HSD17B14: variants seen among roughly 807,000 people sequenced by gnomAD.
HSD17B14 encodes the protein L-fucose dehydrogenase.
A neutral mutation model predicts 32.2 loss-of-function variants in HSD17B14; 32 were observed. The observed-to-expected ratio is 0.99, with a 90% CI of 0.75 to 1.33. HSD17B14 has a LOEUF of 1.33. HSD17B14 is among the 40% of genes most tolerant of loss of function. HSD17B14 has a pLI of 0.00. For synonymous variants in HSD17B14, 140 were observed against 155.4 expected, an observed-to-expected ratio of 0.90 and a Z score of 0.74; for missense variants, 370 against 366.5, an observed-to-expected ratio of 1.01 and a Z score of -0.08.
intron 5 of HSD17B14, among the ~76,000 whole-genome samples, chr19:48,819,322 A>G (rs2035107845): frequency 6.6e-6 from 1 of 151,850 alleles, no homozygotes; most frequent in Non-Finnish European, 1.5e-5. Flanking sequence ...TGGTTCTCCC[A>G]CTCTCACGCT....
intron 3 of HSD17B14, 99 bp downstream of exon 3, chr19:48,834,177 G>T: frequency 1.0e-6 from 1 of 960,046 alleles, no homozygotes; most frequent in Non-Finnish European, 1.6e-6. Flanking sequence ...AGCCAGGAGA[G>T]GAAGGAAAAG....
At chr19:48,813,388 C>T (rs1352897856) in intron 8 of HSD17B14, 40 bp from the exon 9 acceptor site, 17 of 1,555,054 alleles carry the variant, frequency 1.1e-5, no homozygotes, top group Non-Finnish European at 1.4e-5. Flanking sequence ...AAGAGGAGCC[C>T]CACTTGATCG....
At chr19:48,835,871 C>T (rs2035500614) in intron 1 of HSD17B14, 28 bp from the exon 2 acceptor site, 4 of 1,612,122 alleles carry the variant, frequency 2.5e-6, no homozygotes, top group African/African-American at 1.3e-5. Context: ...ACAGGTTACT[C>T]TCCGAGCCTT....
intron 5 of HSD17B14, among the ~76,000 whole-genome samples, chr19:48,829,776 T>C (rs1363962288): frequency 6.6e-6 from 1 of 151,066 alleles, no homozygotes; most frequent in Non-Finnish European, 1.5e-5. Flanking sequence ...CCTGAGTAGC[T>C]GGGATTATAG....
intron 6 of HSD17B14, among the ~76,000 whole-genome samples, chr19:48,814,552 CAG>C (rs2035019090): frequency 7.1e-6 from 1 of 140,792 alleles, no homozygotes; most frequent in Admixed American, 7.1e-5. Flanking sequence ...AAAGAAAAAA[CAG>C]AAATCTGCTG....
intron 5 of HSD17B14, among the ~76,000 whole-genome samples, chr19:48,821,963 T>C (rs186173751): frequency 6.8e-6 from 1 of 147,056 alleles, no homozygotes; most frequent in East Asian, 2.1e-4. Context: ...GTTACGATTG[T>C]GGTAATGATG....
At chr19:48,817,253 C>T (rs1335472174) in intron 5 of HSD17B14, among the ~76,000 whole-genome samples, 1 of 151,054 alleles carries the variant, frequency 6.6e-6, no homozygotes, top group Non-Finnish European at 1.5e-5. Context: ...TCTTGGCTCA[C>T]TGCAACCTCC....
chr19:48,818,320 AAAAAG>A lies in HSD17B14; in HGVS notation c.370-3184_370-3180del, dbSNP rs1189894818. ...ATAAAGACTGTCTCAAAAAAAAAGAAAAAAGAAAAAAGAAAAAGAGAAACCATGCT... is the reference window on the plus strand; with the variant it reads ...ATAAAGACTGTCTCAAAAAAAAAGAAAAAAAAGAAAAAGAGAAACCATGCT... On this transcript the variant is annotated intron_variant, in intron 5 of 8. Coordinates refer to ENST00000263278, the MANE Select transcript of HSD17B14 (RefSeq NM_016246.3). Among the ~76,000 whole-genome samples the A allele has an allele frequency of 1.8e-3, 164 of 92,744 alleles. 1 individual carries two copies. The highest frequency in any genetic ancestry group is 2.0e-3 in the Admixed American group (17 of 8,522). The allele number at this position is 92,744 out of a possible 152,430, so 60.8% of individuals were successfully genotyped here.
intron 5 of HSD17B14, among the ~76,000 whole-genome samples, chr19:48,816,837 T>C (rs1286190854): frequency 1.3e-5 from 2 of 150,812 alleles, no homozygotes; most frequent in African/African-American, 4.9e-5. Context: ...TCTTTCTCTC[T>C]CTCTCTCTCT....
In HSD17B14 at chr19:48,834,310, A is replaced by G. The variant is rs749828245; in HGVS notation, c.176T>C (p.Ile59Thr). The G allele has an allele frequency of 2.5e-6, 4 of 1,614,122 alleles. No individual in the cohort carries two copies. Among genetic ancestry groups the G allele is most frequent in the South Asian group, 1.1e-5 (1 of 91,086 alleles). The change falls in exon 3 of 9, where the codon ATC becomes ACC. Residue 59 changes from isoleucine to threonine, a missense_variant. Physicochemically the swap from Ile to Thr is moderately conservative, Grantham distance 89 (BLOSUM62 -1). Coordinates refer to ENST00000263278, the MANE Select transcript of HSD17B14 (RefSeq NM_016246.3). ...ATCTTCCTGAGTCACATCACAGAGG[A>G]TAAAGACAGCTCCAGGGAGCTCCTG... The part of the protein sequence containing the change: ...LEQELPGAVF[I>T]LCDVTQEDDV...
chr19:48,826,525 G>GAAGAAAAAAAAA (rs1555776978), intron 5 of HSD17B14, among the ~76,000 whole-genome samples: 6 of 5,160 alleles, frequency 1.2e-3, no homozygotes, highest in Admixed American at 4.0e-3. Context: ...AAGAAAAGAA[G>GAAGAAAAAAAAA]AAAATATATA....
chr19:48,834,129 G>C (rs547539685), intron 3 of HSD17B14, 147 bp downstream of exon 3: 37 of 652,332 alleles, frequency 5.7e-5, no homozygotes, highest in South Asian at 5.5e-4. Context: ...CTTGTGTGTG[G>C]AGTGACACTG....
chr19:48,816,361 C>A (rs954917860), intron 5 of HSD17B14, among the ~76,000 whole-genome samples: 7 of 152,158 alleles, frequency 4.6e-5, no homozygotes, highest in Admixed American at 3.9e-4. Flanking sequence ...TCCCAAACGA[C>A]CTCCACCCTT....
intron 5 of HSD17B14, among the ~76,000 whole-genome samples, chr19:48,826,072 A>G (rs766645196): frequency 4.3e-4 from 66 of 152,050 alleles, no homozygotes; most frequent in Non-Finnish European, 8.4e-4. Flanking sequence ...CGCCCGCCTC[A>G]GCCTCCCAAA....
At position 48,822,037 on chromosome 19, in the gene HSD17B14, GTGA is replaced by G. The variant is rs532912077; in HGVS notation, c.370-6899_370-6897del. ...GGTGAGGATGGTGATGGTGGTGATG[GTGA>G]TGATTGTGGTGATGATGGTGATGAT... On this transcript the variant is annotated intron_variant, in intron 5 of 8. Coordinates refer to ENST00000263278, the MANE Select transcript of HSD17B14 (RefSeq NM_016246.3). Among the ~76,000 whole-genome samples the G allele has an allele frequency of 4.3e-3, 585 of 135,110 alleles. 3 individuals carry two copies. Among genetic ancestry groups the G allele is most frequent in the African/African-American group, 0.016 (550 of 35,440 alleles). 88.6% of individuals were successfully genotyped at this position (135,110 alleles called of 152,430 possible).
chr19:48,834,162 A>T, intron 3 of HSD17B14, 114 bp downstream of exon 3: 2 of 816,620 alleles, frequency 2.4e-6, no homozygotes, highest in Non-Finnish European at 4.1e-6. Context: ...TGACGAGTCC[A>T]GCGGAGCCAG....
At chr19:48,830,313 G>A (rs915999258) in intron 5 of HSD17B14, among the ~76,000 whole-genome samples, 14 of 152,076 alleles carry the variant, frequency 9.2e-5, no homozygotes, top group African/African-American at 3.4e-4. Context: ...AAGCCCCCGC[G>A]TTTCTGTCTG....
At chr19:48,833,681 C>A (rs939703890) in intron 3 of HSD17B14, among the ~76,000 whole-genome samples, 1 of 152,068 alleles carries the variant, frequency 6.6e-6, no homozygotes, top group Non-Finnish European at 1.5e-5. Flanking sequence ...ACAAAATTAG[C>A]CAGGTGTGGT....
At chr19:48,836,218 A>C in intron 1 of HSD17B14, 106 bp downstream of exon 1, 2 of 1,172,798 alleles carry the variant, frequency 1.7e-6, no homozygotes, top group Non-Finnish European at 2.5e-6. Flanking sequence ...TTATAATATC[A>C]GAATCCTGGC....
Sources: gnomAD v4.1 joint callset for allele counts (sites outside exome capture counted in the v4.1 genomes callset) on GRCh38, gnomAD v4.1.1 for gene constraint, MANE v1.5 for transcripts, NCBI Gene and HGNC (gene_info 2026-07-23, HGNC 2026-07-21) for gene names.